Variants in LHCGR observed in about 807,000 individuals in gnomAD.
LHCGR encodes lutropin-choriogonadotropic hormone receptor.
LHCGR carries 55 observed loss-of-function variants against 60.7 expected under a neutral mutation model. The ratio of observed to expected loss-of-function variants is 0.91; its 90% CI spans 0.73 to 1.13. The LOEUF (loss-of-function observed/expected upper bound fraction) is 1.13, where lower values mean the gene tolerates loss of function less well. Among genes scored for constraint, LHCGR ranks in the 50% most tolerant of loss-of-function variants. The pLI, the probability that LHCGR is intolerant of heterozygous loss-of-function variation, is 0.00. For synonymous variants in LHCGR, 337 were observed against 316.5 expected, an observed-to-expected ratio of 1.06 and a Z score of -0.69; for missense variants, 862 against 836.0, an observed-to-expected ratio of 1.03 and a Z score of -0.38.
intron 1 of LHCGR, among the ~76,000 whole-genome samples, chr2:48,737,438 T>C (rs145546387): frequency 1.3e-5 from 2 of 152,362 alleles, no homozygotes; most frequent in East Asian, 3.9e-4. Flanking sequence ...TTTATTAAGA[T>C]CTTGTTCTAC....
intron 7 of LHCGR, among the ~76,000 whole-genome samples, chr2:48,712,192 C>T (rs528931556): frequency 2.6e-5 from 4 of 152,064 alleles, no homozygotes; most frequent in South Asian, 2.1e-4. Flanking sequence ...AGGACTTTAC[C>T]TCTCTCTGGG....
intron 7 of LHCGR, among the ~76,000 whole-genome samples, chr2:48,711,709 C>G (rs951522761): frequency 4.6e-5 from 7 of 152,100 alleles, no homozygotes; most frequent in African/African-American, 1.2e-4. Flanking sequence ...CATCTTGTTT[C>G]CCTTTAATTT....
intron 1 of LHCGR, among the ~76,000 whole-genome samples, chr2:48,738,800 A>C (rs1669310893): frequency 6.6e-6 from 1 of 152,254 alleles, no homozygotes; most frequent in African/African-American, 2.4e-5. Flanking sequence ...TTGTATTGAT[A>C]ACATATTGAA....
chr2:48,747,889 T>C (rs1669783323), intron 1 of LHCGR, among the ~76,000 whole-genome samples: 1 of 152,176 alleles, frequency 6.6e-6, no homozygotes, highest in Non-Finnish European at 1.5e-5. Flanking sequence ...GGACAGTCCA[T>C]AACACAGGGC....
At chr2:48,704,886 T>C (rs1003199220) in intron 8 of LHCGR, among the ~76,000 whole-genome samples, 1 of 152,228 alleles carries the variant, frequency 6.6e-6, no homozygotes, top group African/African-American at 2.4e-5. Flanking sequence ...TCTCTCTATC[T>C]CCTTCAGTTC....
Position 48,694,288 on chromosome 2 carries a change from A to G in LHCGR, c.883T>C (p.Ser295Pro). The G allele has an allele frequency of 6.3e-7, 1 of 1,598,832 alleles. No homozygotes were observed. The highest frequency in any genetic ancestry group is 8.6e-7 in the Non-Finnish European group (1 of 1,168,498). The change falls in exon 10 of 11, where the codon TCC becomes CCC. Residue 295 changes from serine to proline, a missense_variant. Transcript: ENST00000294954. The stretch of plus-strand genomic sequence containing the variant: ...TGTTTGGAAAAGTTTTCAGAAATGG[A>G]ATGTGAAAAATTCTGTCTGAAAGAG... ...LPTKEQNFSHSISENFSKQCE... is the reference protein window; with the variant it reads ...LPTKEQNFSHPISENFSKQCE...
chr2:48,715,116 A>G (rs1326526632), intron 6 of LHCGR, among the ~76,000 whole-genome samples: 3 of 151,510 alleles, frequency 2.0e-5, no homozygotes, highest in Non-Finnish European at 4.4e-5. Context: ...TAAAACACCA[A>G]TTTCCTGTTT....
chr2:48,698,824 C>T, intron 8 of LHCGR, 24 bp from the exon 9 acceptor site: 1 of 1,580,662 alleles, frequency 6.3e-7, no homozygotes, highest in Non-Finnish European at 8.6e-7. Flanking sequence ...GGGAGAAATG[C>T]TTTTTATTTA....
At chr2:48,695,257 G>A (rs542550103) in intron 9 of LHCGR, among the ~76,000 whole-genome samples, 1 of 152,238 alleles carries the variant, frequency 6.6e-6, no homozygotes, top group East Asian at 1.9e-4. Flanking sequence ...TGTTTACTCT[G>A]TTGATAGTTT....
chr2:48,726,117 C>CCTCTCAGGAGAGAT (rs1558867450), intron 3 of LHCGR, among the ~76,000 whole-genome samples: 1 of 151,850 alleles, frequency 6.6e-6, no homozygotes, highest in African/African-American at 2.4e-5. Context: ...TGATGAGAGA[C>CCTCTCAGGAGAGAT]TCCTCTCAGG....
chr2:48,707,859 G>A lies in LHCGR; in HGVS notation c.680+1089C>T, dbSNP rs1235916361. On this transcript the variant is annotated intron_variant, in intron 8 of 10. Coordinates refer to ENST00000294954, the MANE Select transcript of LHCGR (RefSeq NM_000233.4). ...GGCACGGGAGGGAATCTCCTGGTCT[G>A]CTGGTTGTGAAGACCATGGGAAAAG... Among the ~76,000 whole-genome samples, 3 of 152,218 alleles carry A rather than the reference G, an allele frequency of 2.0e-5. No homozygotes were observed. In the East Asian group the frequency reaches 5.8e-4, roughly 29 times the overall value.
chr2:48,700,776 A>G (rs1667368542), intron 8 of LHCGR, among the ~76,000 whole-genome samples: 1 of 152,226 alleles, frequency 6.6e-6, no homozygotes, highest in Non-Finnish European at 1.5e-5. Flanking sequence ...GAGAGCAGAG[A>G]AAGCAGTGGG....
chr2:48,695,081 T>A (rs1164017607), intron 9 of LHCGR, among the ~76,000 whole-genome samples: 3 of 152,120 alleles, frequency 2.0e-5, no homozygotes, highest in Admixed American at 1.3e-4. Flanking sequence ...AAGCAGCCAA[T>A]AAGCATATGA....
Position 48,727,321 on chromosome 2 carries a change from A to G in LHCGR, c.309-1571T>C, listed in dbSNP as rs188337504. 4.6e-5 allele frequency among the ~76,000 whole-genome samples: 7 copies of G among 152,272 alleles called. No individual in the cohort carries two copies. The East Asian group carries it at 1.3e-3, about 29-fold the overall frequency. On this transcript the variant is annotated intron_variant, in intron 3 of 10. Transcript: ENST00000294954. ...TTTGGGGCCTGACCTTAGCCCAGTC[A>G]TTCATTCATTTAACAAACATTTATT... is the stretch of plus-strand genomic sequence containing the variant.
intron 8 of LHCGR, among the ~76,000 whole-genome samples, chr2:48,701,456 C>A (rs1368711088): frequency 6.6e-6 from 1 of 152,144 alleles, no homozygotes; most frequent in Admixed American, 6.5e-5. Flanking sequence ...CTGTCTCAGG[C>A]CTTTGCTTTT....
chr2:48,733,924 T>C (rs893614307), intron 1 of LHCGR, among the ~76,000 whole-genome samples: 4 of 152,356 alleles, frequency 2.6e-5, no homozygotes, highest in African/African-American at 7.2e-5. Flanking sequence ...CCACTCTCTA[T>C]TGGATGCATC....
At chr2:48,754,908 C>T (rs1324131265) in intron 1 of LHCGR, among the ~76,000 whole-genome samples, 1 of 152,044 alleles carries the variant, frequency 6.6e-6, no homozygotes, top group Non-Finnish European at 1.5e-5. Context: ...GCGCGGGTGC[C>T]AGCGGCAGGG....
intron 8 of LHCGR, 170 bp downstream of exon 8, chr2:48,708,778 G>A (rs1667829414): frequency 5.7e-6 from 4 of 701,404 alleles, no homozygotes; most frequent in South Asian, 1.6e-5. Flanking sequence ...TCTCGGTTTG[G>A]GGTACTTTAT....
rs1488470965 is a variant in LHCGR, at chr2:48,691,244, A to C, written c.948-2395T>G. On this transcript the variant is annotated intron_variant, in intron 10 of 10. Transcript: ENST00000294954. ...TGTTTTGTATTTTAAGTGCATACCT[A>C]GTTCAGTGAGTGGAGGAGATAATAA... is the stretch of plus-strand genomic sequence containing the variant. Among the ~76,000 whole-genome samples the C allele has an allele frequency of 4.6e-5, 7 of 152,158 alleles. No individual in the cohort carries two copies. The East Asian group carries it at 1.3e-3, about 29-fold the overall frequency.
Sources: allele counts gnomAD v4.1 joint callset (sites outside exome capture counted in the v4.1 genomes callset), GRCh38; gene constraint gnomAD v4.1.1; transcripts MANE v1.5; gene names NCBI Gene and HGNC (gene_info 2026-07-23, HGNC 2026-07-21).